CCSER1: variants seen among roughly 807,000 people sequenced by gnomAD.
CCSER1 encodes serine-rich coiled-coil domain-containing protein 1.
Under a neutral mutation model 82.0 loss-of-function variants are expected in CCSER1, and 41 were observed. That is an observed-to-expected ratio of 0.50 (90% CI 0.39 to 0.65). CCSER1 has a LOEUF of 0.65. CCSER1 is among the 30% of genes least tolerant of loss of function. The probability of loss-of-function intolerance (pLI) is 0.00; values close to 1 mark genes in which losing one functional copy is unlikely to be tolerated. For synonymous variants in CCSER1, 414 were observed against 383.9 expected (o/e 1.08, Z -0.92); for missense variants, 1,119 against 1,064.2 (o/e 1.05, Z -0.72).
At chr4:90,299,639 G>A (rs1466161868) in intron 1 of CCSER1, among the ~76,000 whole-genome samples, 1 of 151,984 alleles carries the variant, frequency 6.6e-6, no homozygotes, top group Non-Finnish European at 1.5e-5. Context: ...TCATTTAGCT[G>A]TTAAAAGTGC....
intron 10 of CCSER1, among the ~76,000 whole-genome samples, chr4:91,312,614 C>G: frequency 6.6e-6 from 1 of 151,788 alleles, no homozygotes; most frequent in Non-Finnish European, 1.5e-5. Flanking sequence ...GCAATACAGA[C>G]TGGTGGACTT....
At chr4:91,166,594 T>G (rs1732102142) in intron 10 of CCSER1, among the ~76,000 whole-genome samples, 1 of 152,222 alleles carries the variant, frequency 6.6e-6, no homozygotes, top group African/African-American at 2.4e-5. Context: ...GCATTCTGAT[T>G]TATAAGTCAG....
At chr4:90,523,008 T>G (rs989101977) in intron 5 of CCSER1, among the ~76,000 whole-genome samples, 10 of 152,174 alleles carry the variant, frequency 6.6e-5, no homozygotes, top group Middle Eastern at 6.8e-3. Context: ...CCCCCCTCTT[T>G]ACCCCTGCTC....
intron 10 of CCSER1, among the ~76,000 whole-genome samples, chr4:91,148,796 C>G (rs1180127478): frequency 6.6e-6 from 1 of 152,110 alleles, no homozygotes; most frequent in Non-Finnish European, 1.5e-5. Context: ...CATCCATGTC[C>G]CTACAAAGGA....
At chr4:90,603,947 C>T (rs1784321742) in intron 5 of CCSER1, among the ~76,000 whole-genome samples, 1 of 151,990 alleles carries the variant, frequency 6.6e-6, no homozygotes, top group Admixed American at 6.6e-5. Flanking sequence ...CCCACGATAC[C>T]TTATTATAAG....
chr4:91,306,539 T>A (rs1452499105), intron 10 of CCSER1, among the ~76,000 whole-genome samples: 2 of 152,034 alleles, frequency 1.3e-5, no homozygotes, highest in Non-Finnish European at 2.9e-5. Flanking sequence ...AGTAAAAGTG[T>A]CATCTGTAAG....
At chr4:90,589,728 AT>A (rs1260010726) in intron 5 of CCSER1, among the ~76,000 whole-genome samples, 1 of 152,176 alleles carries the variant, frequency 6.6e-6, no homozygotes, top group African/African-American at 2.4e-5. Context: ...AGGAGAAATA[AT>A]CACTCAAGTT....
chr4:91,392,518 G>A (rs1325366597), intron 10 of CCSER1, among the ~76,000 whole-genome samples: 5 of 151,952 alleles, frequency 3.3e-5, no homozygotes, highest in African/African-American at 9.7e-5. Flanking sequence ...TCCAGCTAAA[G>A]ATGAAATTTC....
intron 10 of CCSER1, among the ~76,000 whole-genome samples, chr4:91,507,846 T>C (rs1027865025): frequency 1.3e-5 from 2 of 151,852 alleles, no homozygotes; most frequent in African/African-American, 4.8e-5. Flanking sequence ...GGCATTCTTT[T>C]ATTGTGTTTT....
intron 4 of CCSER1, among the ~76,000 whole-genome samples, chr4:90,426,098 A>G (rs1482890425): frequency 1.3e-4 from 20 of 152,142 alleles, no homozygotes; most frequent in Admixed American, 1.3e-3. Context: ...AAAGTGCGAT[A>G]CATGGTAGGA....
intron 6 of CCSER1, among the ~76,000 whole-genome samples, chr4:90,708,451 G>C (rs2149313291): frequency 6.6e-6 from 1 of 152,268 alleles, no homozygotes; most frequent in Non-Finnish European, 1.5e-5. Flanking sequence ...TTGCTAGGGA[G>C]AAAGGCTGGG....
chr4:91,498,948 C>T (rs1316654073), intron 10 of CCSER1, among the ~76,000 whole-genome samples: 1 of 151,790 alleles, frequency 6.6e-6, no homozygotes, highest in Non-Finnish European at 1.5e-5. Flanking sequence ...GCATAATTTA[C>T]TTATTATGTT....
intron 9 of CCSER1, among the ~76,000 whole-genome samples, chr4:91,009,984 C>G (rs764772070): frequency 6.6e-6 from 1 of 152,012 alleles, no homozygotes; most frequent in South Asian, 2.1e-4. Context: ...TTTACCTTTA[C>G]CTGAGAATTT....
intron 10 of CCSER1, among the ~76,000 whole-genome samples, chr4:91,403,793 T>A (rs1264313738): frequency 6.6e-6 from 1 of 152,180 alleles, no homozygotes; most frequent in South Asian, 2.1e-4. Context: ...TGGATTCAGT[T>A]TGCCAGTATT....
rs576590387 is a variant in CCSER1 at position 90,466,985 on chromosome 4, G to A, written c.1604-1249G>A. ...TATTAACGAAATGTATAAATAAATC[G>A]TGGTATATTCACCAGTGGAAAGCCA... is the stretch of plus-strand genomic sequence containing the variant. On this transcript the variant is annotated intron_variant, in intron 4 of 10. Transcript: ENST00000509176. Among the ~76,000 whole-genome samples, 18 of 152,232 alleles carry A rather than the reference G, an allele frequency of 1.2e-4. No homozygotes were observed. In the East Asian group the frequency reaches 2.5e-3, roughly 21 times the overall value.
chr4:90,494,138 T>C (rs1369198613), intron 5 of CCSER1, among the ~76,000 whole-genome samples: 1 of 152,124 alleles, frequency 6.6e-6, no homozygotes, highest in Non-Finnish European at 1.5e-5. Context: ...AAACAGACTT[T>C]AAACCGACAA....
At chr4:90,384,180 G>T (rs1026917096) in intron 3 of CCSER1, among the ~76,000 whole-genome samples, 2 of 151,710 alleles carry the variant, frequency 1.3e-5, no homozygotes, top group Non-Finnish European at 2.9e-5. Context: ...TAGGGTACGT[G>T]TGCACAATGT....
chr4:91,226,830 T>C (rs1738240381), intron 10 of CCSER1, among the ~76,000 whole-genome samples: 1 of 151,938 alleles, frequency 6.6e-6, no homozygotes, highest in Non-Finnish European at 1.5e-5. Context: ...TAGAGCATTA[T>C]ATACTTTCAG....
intron 5 of CCSER1, among the ~76,000 whole-genome samples, chr4:90,569,239 A>G (rs1779812779): frequency 6.6e-6 from 1 of 152,314 alleles, no homozygotes; most frequent in East Asian, 1.9e-4. Flanking sequence ...ATAAGAAAAA[A>G]AAAACATAAC....
Sources: allele counts gnomAD v4.1 joint callset (sites outside exome capture counted in the v4.1 genomes callset), GRCh38; gene constraint gnomAD v4.1.1; transcripts MANE v1.5; gene names NCBI Gene and HGNC (gene_info 2026-07-23, HGNC 2026-07-21).